TUSC3: variants seen among roughly 807,000 people sequenced by gnomAD.
The protein encoded by TUSC3 is dolichyl-diphosphooligosaccharide--protein glycosyltransferase subunit TUSC3.
In TUSC3, 45 loss-of-function variants were observed where a neutral mutation model predicts 44.8. The ratio of observed to expected loss-of-function variants is 1.00; its 90% CI spans 0.79 to 1.29. The LOEUF (loss-of-function observed/expected upper bound fraction) is 1.29. TUSC3 is among the 50% of genes most tolerant of loss of function. The pLI, the probability that TUSC3 is intolerant of heterozygous loss-of-function variation, is 0.00. For missense variants in TUSC3, 519 were observed against 437.9 expected (o/e 1.19, Z -1.65); for synonymous variants, 212 against 152.9 (o/e 1.39, Z -2.85).
chr8:15,520,881 G>A, intron 2 of TUSC3, among the ~76,000 whole-genome samples: 1 of 152,164 alleles, frequency 6.6e-6, no homozygotes, highest in East Asian at 1.9e-4. Context: ...AGAAATAGAA[G>A]CAAACCACCC....
At chr8:15,751,899 G>C (rs1811720769) in intron 9 of TUSC3, among the ~76,000 whole-genome samples, 2 of 152,110 alleles carry the variant, frequency 1.3e-5, no homozygotes, top group African/African-American at 2.4e-5. Flanking sequence ...AGGTAAATCT[G>C]ATATAACCAT....
chr8:15,701,588 A>G (rs921172148), intron 6 of TUSC3, among the ~76,000 whole-genome samples: 3 of 152,146 alleles, frequency 2.0e-5, no homozygotes, highest in Admixed American at 2.0e-4. Context: ...ATTACCCACA[A>G]TGTCATCAAT....
intron 6 of TUSC3, among the ~76,000 whole-genome samples, chr8:15,693,031 A>G (rs952401532): frequency 5.9e-5 from 9 of 152,130 alleles, no homozygotes; most frequent in African/African-American, 2.2e-4. Context: ...ATCTCTTCAC[A>G]TTGAGCCTAT....
intron 2 of TUSC3, among the ~76,000 whole-genome samples, chr8:15,629,736 TAAA>T (rs35310787): frequency 2.1e-5 from 3 of 144,532 alleles, no homozygotes; most frequent in African/African-American, 7.6e-5. Context: ...TTCTTTTCTT[TAAA>T]AAAAAAAAAA....
chr8:15,611,175 C>G (rs1305593749), intron 1 of TUSC3, among the ~76,000 whole-genome samples: 1 of 152,000 alleles, frequency 6.6e-6, no homozygotes, highest in Admixed American at 6.6e-5. Context: ...TTTCAAAGAA[C>G]TTTTTTGTTG....
chr8:15,713,242 T>C (rs558166649), intron 6 of TUSC3, among the ~76,000 whole-genome samples: 1 of 152,310 alleles, frequency 6.6e-6, no homozygotes, highest in South Asian at 2.1e-4. Flanking sequence ...CAGTTTTATG[T>C]GGTTTCTTCT....
intron 7 of TUSC3, among the ~76,000 whole-genome samples, chr8:15,732,518 C>T (rs539681142): frequency 2.6e-5 from 4 of 151,754 alleles, no homozygotes; most frequent in South Asian, 2.1e-4. Context: ...TTATTAGCAG[C>T]GTGAGAACAA....
chr8:15,657,548 C>G (rs2129178235), intron 3 of TUSC3, among the ~76,000 whole-genome samples: 1 of 152,304 alleles, frequency 6.6e-6, no homozygotes, highest in Non-Finnish European at 1.5e-5. Flanking sequence ...GTCCATATTT[C>G]TTACCAGCAT....
intron 2 of TUSC3, among the ~76,000 whole-genome samples, chr8:15,527,111 G>A (rs930652145): frequency 1.3e-4 from 20 of 152,116 alleles, no homozygotes; most frequent in African/African-American, 4.3e-4. Context: ...TTGCATATTG[G>A]CGTGCACTGC....
chr8:15,719,206 C>G (rs142905814), intron 6 of TUSC3, among the ~76,000 whole-genome samples: 2 of 152,016 alleles, frequency 1.3e-5, no homozygotes, highest in East Asian at 3.9e-4. Context: ...TAAGTCTTCA[C>G]CAGCACATTG....
chr8:15,432,039 G>T (rs925236063), intron 1 of TUSC3, among the ~76,000 whole-genome samples: 3 of 151,620 alleles, frequency 2.0e-5, no homozygotes, highest in Non-Finnish European at 4.4e-5. Context: ...GAGGATTTTT[G>T]TATCTGTGTT....
chr8:15,661,654 A>G (rs1280715073), intron 4 of TUSC3, among the ~76,000 whole-genome samples: 1 of 152,046 alleles, frequency 6.6e-6, no homozygotes, highest in Non-Finnish European at 1.5e-5. Flanking sequence ...TGTAATTAAT[A>G]AGCTGTCTAT....
At chr8:15,652,538 C>G (rs887525750) in intron 3 of TUSC3, among the ~76,000 whole-genome samples, 2 of 152,054 alleles carry the variant, frequency 1.3e-5, no homozygotes, top group Non-Finnish European at 2.9e-5. Flanking sequence ...ACATAGTTCT[C>G]CTCTATAAGC....
rs576838408 is a variant in TUSC3 at position 15,645,204 on chromosome 8, A to T, written c.309-5493A>T. Among the ~76,000 whole-genome samples the T allele has an allele frequency of 3.9e-5, 6 of 152,208 alleles. No homozygotes were observed. The South Asian group carries it at 8.3e-4, about 21-fold the overall frequency. On this transcript the variant is annotated intron_variant, in intron 2 of 10. Coordinates refer to ENST00000503731, the MANE Select transcript of TUSC3 (RefSeq NM_006765.4). ...TGCATAATCTACTTACTTCAGAAACACTTGTTTACTATTTACACAATAAAA... is the reference window on the plus strand; with the variant it reads ...TGCATAATCTACTTACTTCAGAAACTCTTGTTTACTATTTACACAATAAAA...
intron 6 of TUSC3, among the ~76,000 whole-genome samples, chr8:15,721,448 C>G (rs1248488714): frequency 6.6e-6 from 1 of 151,514 alleles, no homozygotes; most frequent in African/African-American, 2.4e-5. Context: ...TTTTTTTCCC[C>G]CAGGATAAAA....
intron 1 of TUSC3, among the ~76,000 whole-genome samples, chr8:15,459,414 A>G (rs1800310005): frequency 6.6e-6 from 1 of 152,204 alleles, no homozygotes; most frequent in South Asian, 2.1e-4. Flanking sequence ...ACTTTAACCA[A>G]TAAAATAAAG....
intron 2 of TUSC3, among the ~76,000 whole-genome samples, chr8:15,645,046 T>C (rs945340723): frequency 6.6e-6 from 1 of 152,164 alleles, no homozygotes; most frequent in African/African-American, 2.4e-5. Context: ...TTACATAATA[T>C]TTTAATAGTC....
chr8:15,562,815 C>A (rs552261010), intron 1 of TUSC3, among the ~76,000 whole-genome samples: 38 of 152,252 alleles, frequency 2.5e-4, no homozygotes, highest in Middle Eastern at 3.4e-3. Flanking sequence ...TCACTAGGAT[C>A]ACTTTTGTGA....
At chr8:15,719,335 A>G (rs1934201980) in intron 6 of TUSC3, among the ~76,000 whole-genome samples, 1 of 151,878 alleles carries the variant, frequency 6.6e-6, no homozygotes, top group Non-Finnish European at 1.5e-5. Context: ...TGCCTTGTTC[A>G]CAACTGTGCT....
Sources: allele counts gnomAD v4.1 joint callset (sites outside exome capture counted in the v4.1 genomes callset), GRCh38; gene constraint gnomAD v4.1.1; transcripts MANE v1.5; gene names NCBI Gene and HGNC (gene_info 2026-07-23, HGNC 2026-07-21).